CDH13: variants seen among roughly 807,000 people sequenced by gnomAD.
CDH13 encodes the protein cadherin 13, also known as cadherin-13.
CDH13 carries 24 observed loss-of-function variants against 63.8 expected under a neutral mutation model. That is an observed-to-expected ratio of 0.38 (90% confidence interval 0.27 to 0.53). The LOEUF is 0.53. CDH13 is among the 20% of genes least tolerant of loss of function. CDH13 has a pLI of 0.85. For synonymous variants in CDH13, 503 were observed against 355.3 expected (o/e 1.42, Z -4.67); for missense variants, 1,049 against 903.1 (o/e 1.16, Z -2.07).
intron 1 of CDH13, among the ~76,000 whole-genome samples, chr16:82,754,061 G>T (rs1446382383): frequency 6.6e-6 from 1 of 152,172 alleles, no homozygotes; most frequent in Non-Finnish European, 1.5e-5. Flanking sequence ...AAGTACAAAG[G>T]TACAGGGGCA....
chr16:82,791,405 C>T (rs1346708594), intron 1 of CDH13, among the ~76,000 whole-genome samples: 1 of 152,166 alleles, frequency 6.6e-6, no homozygotes, highest in Non-Finnish European at 1.5e-5. Context: ...GTAGTCAAAT[C>T]ATATATCGCC....
chr16:82,671,959 G>T (rs1269348783), intron 1 of CDH13, among the ~76,000 whole-genome samples: 2 of 152,104 alleles, frequency 1.3e-5, no homozygotes, highest in African/African-American at 4.8e-5. Flanking sequence ...TATGAATTCT[G>T]CCCTCCCCCT....
At chr16:83,583,313 G>T (rs980180790) in intron 7 of CDH13, among the ~76,000 whole-genome samples, 3 of 152,156 alleles carry the variant, frequency 2.0e-5, no homozygotes, top group African/African-American at 7.2e-5. Context: ...GGTACTGGGG[G>T]TTAGGAGTTG....
chr16:83,149,589 A>G (rs140586015), intron 4 of CDH13, among the ~76,000 whole-genome samples: 1 of 152,310 alleles, frequency 6.6e-6, no homozygotes, highest in East Asian at 1.9e-4. Context: ...TACTGAAATT[A>G]TTATAATATT....
intron 3 of CDH13, among the ~76,000 whole-genome samples, chr16:83,045,791 G>A (rs1917727777): frequency 1.3e-5 from 2 of 152,202 alleles, no homozygotes; most frequent in Non-Finnish European, 1.5e-5. Flanking sequence ...TAAAGAAACA[G>A]GGGAAGAGGT....
At chr16:83,361,914 T>C (rs1354160320) in intron 6 of CDH13, among the ~76,000 whole-genome samples, 2 of 152,144 alleles carry the variant, frequency 1.3e-5, no homozygotes, top group Non-Finnish European at 2.9e-5. Flanking sequence ...TTTGGGGTAT[T>C]TTTTGGTTGT....
chr16:82,954,652 T>A (rs1446538610), intron 2 of CDH13: 1 of 152,078 alleles, frequency 6.6e-6, no homozygotes, highest in Non-Finnish European at 1.5e-5. Context: ...ACCATACTAT[T>A]CACTCTTTTA....
At chr16:82,818,089 AATGT>A (rs1567566140) in intron 1 of CDH13, among the ~76,000 whole-genome samples, 1 of 149,588 alleles carries the variant, frequency 6.7e-6, no homozygotes, top group African/African-American at 2.5e-5. Context: ...TTTATATATG[AATGT>A]ATTCACTCAT....
At chr16:82,884,631 A>C (rs577973720) in intron 2 of CDH13, 2 of 155,728 alleles carry the variant, frequency 1.3e-5, no homozygotes, top group South Asian at 3.9e-4. Flanking sequence ...CATCGCTGAA[A>C]TAAACGTGTT....
At chr16:82,708,530 T>C (rs1340244351) in intron 1 of CDH13, among the ~76,000 whole-genome samples, 1 of 152,210 alleles carries the variant, frequency 6.6e-6, no homozygotes, top group Non-Finnish European at 1.5e-5. Flanking sequence ...TCCTCTGATG[T>C]CCTATCTTGG....
intron 3 of CDH13, among the ~76,000 whole-genome samples, chr16:83,033,386 C>G (rs150070567): frequency 6.6e-6 from 1 of 152,118 alleles, no homozygotes; most frequent in Non-Finnish European, 1.5e-5. Flanking sequence ...ATAAGCTGCC[C>G]AACCTACTCA....
At chr16:83,756,891 T>A (rs2150982536) in intron 11 of CDH13, among the ~76,000 whole-genome samples, 1 of 152,070 alleles carries the variant, frequency 6.6e-6, no homozygotes, top group Non-Finnish European at 1.5e-5. Context: ...CAACAAGGAG[T>A]AAAGCTGTAA....
At chr16:83,113,211 C>T (rs1264941287) in intron 3 of CDH13, among the ~76,000 whole-genome samples, 1 of 152,102 alleles carries the variant, frequency 6.6e-6, no homozygotes, top group Admixed American at 6.6e-5. Flanking sequence ...CATTGAGCAC[C>T]CCAGGATAAA....
At chr16:83,006,899 ATTT>A (rs796613754) in intron 2 of CDH13, among the ~76,000 whole-genome samples, 1 of 120,736 alleles carries the variant, frequency 8.3e-6, no homozygotes. Context: ...CCCAGTTTTG[ATTT>A]TTTTTGTTTG....
intron 9 of CDH13, among the ~76,000 whole-genome samples, chr16:83,674,815 C>T (rs930795577): frequency 1.3e-5 from 2 of 152,244 alleles, no homozygotes; most frequent in African/African-American, 4.8e-5. Flanking sequence ...TCTAAAACCA[C>T]CAGAAAGTTA....
At chr16:82,833,164 C>A (rs943064009) in intron 1 of CDH13, among the ~76,000 whole-genome samples, 2 of 152,180 alleles carry the variant, frequency 1.3e-5, no homozygotes, top group Non-Finnish European at 2.9e-5. Context: ...TTGTGTAAGT[C>A]ATCTAAAAAA....
rs371337414 is a variant in CDH13, at chr16:83,595,671, A to T, written c.961-6783A>T. ...TGAGAGGTTACATGGGAGGTTTAAG[A>T]ACCACACCAAGTACATAACTTCTGC... On this transcript the variant is annotated intron_variant, in intron 7 of 13. Transcript: ENST00000567109. Among the ~76,000 whole-genome samples the T allele has an allele frequency of 2.0e-5, 3 of 152,332 alleles. No individual in the cohort carries two copies. The South Asian group carries it at 6.2e-4, about 32-fold the overall frequency.
intron 7 of CDH13, among the ~76,000 whole-genome samples, chr16:83,506,301 A>C (rs1196249178): frequency 1.3e-5 from 2 of 152,194 alleles, no homozygotes; most frequent in Non-Finnish European, 2.9e-5. Context: ...GGAATGGGGC[A>C]GTTCCTGGGA....
At chr16:83,296,628 T>TAA (rs578191344) in intron 5 of CDH13, among the ~76,000 whole-genome samples, 1 of 151,470 alleles carries the variant, frequency 6.6e-6, no homozygotes, top group Non-Finnish European at 1.5e-5. Flanking sequence ...ACAACACAAG[T>TAA]ACACACACAC....
Sources: allele counts gnomAD v4.1 joint callset (sites outside exome capture counted in the v4.1 genomes callset), GRCh38; gene constraint gnomAD v4.1.1; transcripts MANE v1.5; gene names NCBI Gene and HGNC (gene_info 2026-07-23, HGNC 2026-07-21).